Variants in ZNF516 observed in about 807,000 individuals in gnomAD.
The protein encoded by ZNF516 is zinc finger protein 516.
Under a neutral mutation model 79.7 loss-of-function variants are expected in ZNF516, and 19 were observed. The ratio of observed to expected loss-of-function variants is 0.24; its 90% CI spans 0.17 to 0.35. The LOEUF (loss-of-function observed/expected upper bound fraction) is 0.35. Ranked by LOEUF, ZNF516 falls within the 10% of genes least tolerant of loss-of-function variation. ZNF516 has a pLI of 1.00. For synonymous variants in ZNF516, 877 were observed against 739.5 expected (o/e 1.19, Z -3.02); for missense variants, 1,678 against 1,679.5 (o/e 1.00, Z 0.02).
At chr18:76,444,458 C>A (rs1305024689) in intron 2 of ZNF516, among the ~76,000 whole-genome samples, 1 of 152,218 alleles carries the variant, frequency 6.6e-6, no homozygotes, top group Non-Finnish European at 1.5e-5. Context: ...TACAATCTCA[C>A]ACACACTAAG....
intron 3 of ZNF516, among the ~76,000 whole-genome samples, chr18:76,406,157 C>A (rs536110665): frequency 1.3e-5 from 2 of 152,240 alleles, no homozygotes; most frequent in Non-Finnish European, 2.9e-5. Context: ...AACTCGCCCG[C>A]GCTGCCCAGA....
At chr18:76,371,445 T>C (rs1271337165) in intron 5 of ZNF516, 22 bp downstream of exon 5, 10 of 1,594,276 alleles carry the variant, frequency 6.3e-6, no homozygotes, top group African/African-American at 1.3e-5. Context: ...CCCTTGGGGA[T>C]AGCTGGGCGG....
intron 4 of ZNF516, 127 bp downstream of exon 4, chr18:76,378,728 G>C (rs2074831103): frequency 2.9e-6 from 4 of 1,370,858 alleles, no homozygotes; most frequent in Admixed American, 2.7e-5. Flanking sequence ...CAGCTCAGCA[G>C]TGGGATGGGG....
At chr18:76,374,534 C>T (rs1460420532) in intron 4 of ZNF516, among the ~76,000 whole-genome samples, 1 of 152,156 alleles carries the variant, frequency 6.6e-6, no homozygotes, top group Non-Finnish European at 1.5e-5. Flanking sequence ...GCGGGGAAGT[C>T]TTTGAGACTT....
At chr18:76,492,182 A>C in intron 1 of ZNF516, 3 of 985,400 alleles carry the variant, frequency 3.0e-6, no homozygotes, top group Non-Finnish European at 3.6e-6. Context: ...ACAGAAGCGC[A>C]GCAACCCCGC....
At chr18:76,468,252 C>T (rs571115508) in intron 1 of ZNF516, among the ~76,000 whole-genome samples, 2 of 152,278 alleles carry the variant, frequency 1.3e-5, no homozygotes, top group South Asian at 4.1e-4. Flanking sequence ...TTTGGAGCAG[C>T]CCCGTGCTCT....
At chr18:76,375,865 T>TAA (rs1411619433) in intron 4 of ZNF516, among the ~76,000 whole-genome samples, 1 of 119,372 alleles carries the variant, frequency 8.4e-6, no homozygotes, top group Admixed American at 8.9e-5. Context: ...AGAGACCAGG[T>TAA]AAAGGATGGA....
chr18:76,423,031 C>T (rs1465414858), intron 3 of ZNF516, among the ~76,000 whole-genome samples: 2 of 152,134 alleles, frequency 1.3e-5, no homozygotes, highest in Non-Finnish European at 2.9e-5. Flanking sequence ...CATGGAGACC[C>T]TGGGCTGTGC....
chr18:76,481,061 G>C (rs1480867200), intron 1 of ZNF516, among the ~76,000 whole-genome samples: 4 of 152,176 alleles, frequency 2.6e-5, no homozygotes, highest in Non-Finnish European at 5.9e-5. Context: ...CCAGGTTTCT[G>C]AGCTGAGGAG....
In ZNF516 at chr18:76,371,596, G is replaced by A. The variant is rs770687788; in HGVS notation, c.3260-25C>T. 5 of 1,595,254 alleles carry A rather than the reference G, an allele frequency of 3.1e-6. No homozygotes were observed. The African/African-American group carries it at 4.0e-5, about 13-fold the overall frequency. On this transcript the variant is annotated intron_variant, in intron 4 of 6. Transcript: ENST00000443185. ...CCTGCGGTGGCGAGGTGGTGGTGGT[G>A]GCAGGGCCGTGGTGGGGTTGGCGTG...
At chr18:76,432,880 G>A (rs1328561972) in intron 3 of ZNF516, among the ~76,000 whole-genome samples, 1 of 152,232 alleles carries the variant, frequency 6.6e-6, no homozygotes, top group Non-Finnish European at 1.5e-5. Context: ...CAGTAACAAA[G>A]GCCCCAGACA....
At chr18:76,487,602 C>T (rs1471979567) in intron 1 of ZNF516, among the ~76,000 whole-genome samples, 1 of 152,144 alleles carries the variant, frequency 6.6e-6, no homozygotes, top group African/African-American at 2.4e-5. Context: ...TAAATGTAAA[C>T]ATTTGACATG....
intron 3 of ZNF516, among the ~76,000 whole-genome samples, chr18:76,391,881 C>A (rs548280496): frequency 2.0e-5 from 3 of 152,220 alleles, no homozygotes; most frequent in Non-Finnish European, 2.9e-5. Flanking sequence ...CAGACAGAGA[C>A]AGGCAGAGCC....
chr18:76,440,725 A>AGT (rs71881300), intron 3 of ZNF516, among the ~76,000 whole-genome samples: 2,295 of 118,664 alleles, frequency 0.019, 28 homozygotes, highest in Middle Eastern at 0.052. Context: ...AGTGGAGGAA[A>AGT]GTGTGTGTGT....
At position 76,362,364 on chromosome 18, in the gene ZNF516, T is replaced by G; in HGVS notation, c.*134A>C. 3 of 744,468 alleles carry G rather than the reference T, an allele frequency of 4.0e-6. No individual in the cohort carries two copies. Among genetic ancestry groups the G allele is most frequent in the Non-Finnish European group, 6.6e-6 (3 of 453,800 alleles). The allele number at this position is 744,468 out of a possible 1,614,324, so 46.1% of individuals were successfully genotyped here. A position where few individuals can be genotyped will look rare whatever the true frequency, so the allele number is the denominator to read the frequency against. ...CACTCCAGCGCAGCGGCTCGGGATG[T>G]GAGGTGTCTGCTCAGGAGTTCCCCG... On this transcript the variant is annotated 3_prime_UTR_variant, in exon 7 of 7. Transcript: ENST00000443185.
chr18:76,438,148 T>G (rs1042280215), intron 3 of ZNF516, among the ~76,000 whole-genome samples: 2 of 152,246 alleles, frequency 1.3e-5, no homozygotes, highest in African/African-American at 2.4e-5. Context: ...GGCATCCCAG[T>G]CCAGGCACTT....
chr18:76,444,241 G>A (rs886315188), intron 2 of ZNF516, among the ~76,000 whole-genome samples: 2 of 152,156 alleles, frequency 1.3e-5, no homozygotes, highest in African/African-American at 4.8e-5. Context: ...GTTCAAGAGG[G>A]AGGGGCTGCA....
Position 76,442,598 on chromosome 18 carries a change from G to T in ZNF516, c.457C>A (p.Leu153Met). ...TCTGCCCCCTTCTTGCTGCTCCGCA[G>T]CAGGACTCTGCCGCTGTCGGCCTGC... Reference protein sequence around the residue: ...ASQADSGRVLLRSSKKGAEGS... With the variant: ...ASQADSGRVLMRSSKKGAEGS... Residue 153 changes from leucine to methionine, a missense_variant, in exon 3 of 7, where the codon CTG (leucine) becomes ATG (methionine). By Grantham distance (15) the Leu-to-Met change is conservative (BLOSUM62 2). Transcript: ENST00000443185. The T allele has an allele frequency of 6.3e-7, 1 of 1,597,552 alleles. No homozygotes were observed. Among genetic ancestry groups the T allele is most frequent in the Non-Finnish European group, 8.5e-7 (1 of 1,178,970 alleles).
intron 3 of ZNF516, among the ~76,000 whole-genome samples, chr18:76,425,860 C>T (rs1159624218): frequency 3.9e-5 from 6 of 152,196 alleles, no homozygotes; most frequent in Non-Finnish European, 8.8e-5. Flanking sequence ...CAGAAATTCA[C>T]GTGCAAAAAT....
Sources: allele counts gnomAD v4.1 joint callset (sites outside exome capture counted in the v4.1 genomes callset), GRCh38; gene constraint gnomAD v4.1.1; transcripts MANE v1.5; gene names NCBI Gene and HGNC (gene_info 2026-07-23, HGNC 2026-07-21).